The following BRAT1 variants were observed in gnomAD, a reference collection of about 807,000 sequenced individuals.
BRAT1 encodes integrator complex assembly factor BRAT1.
Under a neutral mutation model 70.6 loss-of-function variants are expected in BRAT1, and 74 were observed. The ratio of observed to expected loss-of-function variants is 1.05; its 90% CI spans 0.87 to 1.27. The LOEUF is 1.27. Among genes scored for constraint, BRAT1 ranks in the 50% most tolerant of loss-of-function variants. The probability of loss-of-function intolerance (pLI) is 0.00; values close to 1 mark genes in which losing one functional copy is unlikely to be tolerated. For missense variants in BRAT1, 1,203 were observed against 1,098.2 expected, an observed-to-expected ratio of 1.10 and a Z score of -1.35; for synonymous variants, 615 against 517.1, an observed-to-expected ratio of 1.19 and a Z score of -2.57.
chr7:2,538,965 T>A (rs1312330468), intron 13 of BRAT1: 2 of 1,444,406 alleles, frequency 1.4e-6, no homozygotes, highest in Middle Eastern at 2.4e-4. Context: ...GAGGTAACCA[T>A]GTCTAAGTGG....
At chr7:2,546,784 A>T (rs1474400965) in intron 3 of BRAT1, among the ~76,000 whole-genome samples, 1 of 152,182 alleles carries the variant, frequency 6.6e-6, no homozygotes, top group African/African-American at 2.4e-5. Flanking sequence ...AATTTTTTAA[A>T]AAAAAGACAT....
intron 9 of BRAT1, 70 bp from the exon 10 acceptor site, chr7:2,541,122 G>A: frequency 7.0e-7 from 1 of 1,420,508 alleles, no homozygotes; most frequent in Non-Finnish European, 9.3e-7. Context: ...ACTCTGGGAA[G>A]GAGCAGAACA....
chr7:2,540,090 T>C, intron 10 of BRAT1: 1 of 515,374 alleles, frequency 1.9e-6, no homozygotes, highest in Non-Finnish European at 3.4e-6. Context: ...GCAATCACAG[T>C]TCACTGCAGC....
Position 2,538,569 on chromosome 7 carries a change from C to T in BRAT1, c.1966G>A (p.Glu656Lys). Reference sequence around the variant, plus strand: ...TGGCCCAGGAACACGAGGGCCAGCTCCAGGCCCTGGGCGCGGACCTCCCAG... The same window carrying T: ...TGGCCCAGGAACACGAGGGCCAGCTTCAGGCCCTGGGCGCGGACCTCCCAG... ...LDWEVRAQGL[E>K]LALVFLGQTL... The change falls in exon 14 of 14, where the codon GAG becomes AAG. Residue 656 changes from glutamate to lysine, a missense_variant. By Grantham distance (56) the Glu-to-Lys change is moderately conservative. Transcript: ENST00000340611. 6.2e-7 allele frequency: 1 copy of T among 1,600,018 alleles called. No individual in the cohort carries two copies. The highest frequency in any genetic ancestry group is 8.5e-7 in the Non-Finnish European group (1 of 1,178,098).
In BRAT1 at chr7:2,538,154, T is replaced by G; in HGVS notation, c.2381A>C (p.His794Pro). ...GAGGGACTGGGGACTCTTTTCCACGTGGTCGCTGCTCTCGGCCAGCGTGCT... is the reference window on the plus strand; with the variant it reads ...GAGGGACTGGGGACTCTTTTCCACGGGGTCGCTGCTCTCGGCCAGCGTGCT... ...LRSTLAESSDHVEKSPQSLLQ... is the reference protein window; with the variant it reads ...LRSTLAESSDPVEKSPQSLLQ... The change falls in exon 14 of 14, where the codon CAC (histidine) becomes CCC (proline). Residue 794 changes from histidine (H) to proline (P), a missense_variant. Coordinates refer to ENST00000340611, the MANE Select transcript of BRAT1 (RefSeq NM_152743.4). 1 of 1,608,932 alleles carries G rather than the reference T, an allele frequency of 6.2e-7. No homozygotes were observed. The highest frequency in any genetic ancestry group is 8.5e-7 in the Non-Finnish European group (1 of 1,177,110).
intron 7 of BRAT1, 99 bp downstream of exon 7, chr7:2,542,021 G>A: frequency 3.2e-6 from 4 of 1,269,404 alleles, no homozygotes; most frequent in Non-Finnish European, 4.3e-6. Flanking sequence ...TGTGATTAAA[G>A]TGGGGCGGGG....
chr7:2,550,848 T>C (rs1201205208), intron 2 of BRAT1, among the ~76,000 whole-genome samples: 3 of 152,184 alleles, frequency 2.0e-5, no homozygotes, highest in Non-Finnish European at 4.4e-5. Flanking sequence ...ACCATTTATT[T>C]ATTTATTTTG....
In BRAT1 at chr7:2,539,711, G is replaced by T. The variant is rs1038985112; in HGVS notation, c.1499-69C>A. 4 of 1,552,602 alleles carry T rather than the reference G, an allele frequency of 2.6e-6. No homozygotes were observed. In the African/African-American group the frequency reaches 4.1e-5, roughly 16 times the overall value. ...TCACCCTGCCCTCAGAGCCAGCTGAGCCATTCCACCCAGCCCCTGCTGCCT... is the reference window on the plus strand; with the variant it reads ...TCACCCTGCCCTCAGAGCCAGCTGATCCATTCCACCCAGCCCCTGCTGCCT... On this transcript the variant is annotated intron_variant, in intron 11 of 13. Transcript: ENST00000340611.
intron 6 of BRAT1, chr7:2,542,567 G>A (rs1043480970): frequency 2.0e-5 from 6 of 295,224 alleles, no homozygotes; most frequent in African/African-American, 6.8e-5. Context: ...CTGCCCTCAC[G>A]TCTGGGCCTA....
At chr7:2,550,890 G>A (rs978474475) in intron 2 of BRAT1, among the ~76,000 whole-genome samples, 3 of 152,054 alleles carry the variant, frequency 2.0e-5, no homozygotes, top group South Asian at 2.1e-4. Flanking sequence ...GTCACGTACC[G>A]ACATCATACC....
At chr7:2,544,166 G>A (rs1322618768) in intron 4 of BRAT1, 4 of 411,460 alleles carry the variant, frequency 9.7e-6, no homozygotes, top group Non-Finnish European at 1.7e-5. Flanking sequence ...AACACACACA[G>A]CTTGTGATGC....
At chr7:2,542,513 G>GAGGTGCCCCCAGCCTCCC in intron 6 of BRAT1, 1 of 106,612 alleles carries the variant, frequency 9.4e-6, no homozygotes, top group Admixed American at 3.1e-4. Context: ...GGACAGGGAT[G>GAGGTGCCCCCAGCCTCCC]GGGTGCCCCC....
rs1188693535 is a variant in BRAT1, at chr7:2,542,145, G to A, written c.990C>T (p.Ala330=). 1 of 1,567,328 alleles carries A rather than the reference G, an allele frequency of 6.4e-7. No individual in the cohort carries two copies. Residue 330 remains alanine, a synonymous_variant, in exon 7 of 14, where the codon GCC becomes GCT. Coordinates refer to ENST00000340611, the MANE Select transcript of BRAT1 (RefSeq NM_152743.4). ...LLQPLACVLK[A]TVQAPGPPGL... is the part of the protein sequence containing the mutation. ...CTGGGGGTCCGGGGGCCTGAACCGTGGCCTTCAGGACACAGGCCAGGGGCT... is the reference window on the plus strand; with the variant it reads ...CTGGGGGTCCGGGGGCCTGAACCGTAGCCTTCAGGACACAGGCCAGGGGCT...
chr7:2,543,589 C>G lies in BRAT1; in HGVS notation c.803+1G>C, dbSNP rs869312931. The G allele has an allele frequency of 2.0e-6, 3 of 1,510,954 alleles. No individual in the cohort carries two copies. The highest frequency in any genetic ancestry group is 2.7e-6 in the Non-Finnish European group (3 of 1,128,342). 93.6% of individuals were successfully genotyped at this position (1,510,954 alleles called of 1,614,324 possible). Reference sequence around the variant, plus strand: ...CCCCAGCTGCGTCCCGGGGCCCTGACCGAGCCACACAGAGAAGCAGGTCCA... The same window carrying G: ...CCCCAGCTGCGTCCCGGGGCCCTGAGCGAGCCACACAGAGAAGCAGGTCCA... On this transcript the variant is annotated splice_donor_variant, in intron 5 of 13. Transcript: ENST00000340611. LOFTEE classifies it high-confidence loss of function. The surrounding 1 kb of genome is among the most constrained non-coding windows in gnomAD (Gnocchi z 5.5).
At chr7:2,540,505 C>A in intron 10 of BRAT1, 1 of 159,936 alleles carries the variant, frequency 6.3e-6, no homozygotes, top group East Asian at 1.8e-4. Flanking sequence ...ACCAATTACG[C>A]AGGGCACCTT....
At chr7:2,551,295 C>T (rs1031299680) in intron 2 of BRAT1, among the ~76,000 whole-genome samples, 2 of 149,240 alleles carry the variant, frequency 1.3e-5, no homozygotes, top group Admixed American at 1.3e-4. Context: ...ATATATATAT[C>T]TCATGCTTAC....
In BRAT1 at chr7:2,543,034, C is replaced by G. The variant is rs973272844; in HGVS notation, c.923+170G>C. ...AACAATTATTCTGTTGCTAAAGAAC[C>G]TTCAGAAGCTGCCGCGCGCAACCCA... On this transcript the variant is annotated intron_variant, in intron 6 of 13. Coordinates refer to ENST00000340611, the MANE Select transcript of BRAT1 (RefSeq NM_152743.4). This position sits in a 1 kb window ranked among gnomAD's most constrained non-coding sequence, Gnocchi z 5.5. 4 of 727,100 alleles carry G rather than the reference C, an allele frequency of 5.5e-6. No individual in the cohort carries two copies. Among genetic ancestry groups the G allele is most frequent in the Non-Finnish European group, 8.6e-6 (4 of 467,364 alleles). 45.0% of individuals were successfully genotyped at this position (727,100 alleles called of 1,614,324 possible). A position where few individuals can be genotyped will look rare whatever the true frequency, so the allele number is the denominator to read the frequency against.
rs565809581 is a variant in BRAT1 at position 2,540,901 on chromosome 7, G to A, written c.1395+78C>T. 1.7e-3 allele frequency: 2,290 copies of A among 1,355,332 alleles called. 4 individuals carry two copies. The highest frequency in any genetic ancestry group is 1.8e-3 in the Non-Finnish European group (1,878 of 1,030,670). The allele number at this position is 1,355,332 out of a possible 1,614,324, so 84.0% of individuals were successfully genotyped here. On this transcript the variant is annotated intron_variant, in intron 10 of 13. Transcript: ENST00000340611. ...AGGCCCCATCCGCAGAGGCCTGCAC[G>A]GGACGGGGTGGAGTCAGGGGTGGGT...
intron 3 of BRAT1, among the ~76,000 whole-genome samples, chr7:2,546,962 C>G (rs1417861430): frequency 1.3e-5 from 2 of 151,588 alleles, no homozygotes; most frequent in African/African-American, 2.4e-5. Context: ...AGCTACGACT[C>G]CTGTCTCCGT....
Sources: gnomAD v4.1 joint callset for allele counts (sites outside exome capture counted in the v4.1 genomes callset) on GRCh38, gnomAD v4.1.1 for gene constraint, Gnocchi (gnomAD v3.1) non-coding constraint, MANE v1.5 for transcripts, NCBI Gene and HGNC (gene_info 2026-07-23, HGNC 2026-07-21) for gene names.